RNF10: variants seen among roughly 807,000 people sequenced by gnomAD.
RNF10 encodes ring finger protein 10.
Under a neutral mutation model 91.4 loss-of-function variants are expected in RNF10, and 38 were observed. The ratio of observed to expected loss-of-function variants is 0.42; its 90% confidence interval spans 0.32 to 0.54. The LOEUF (loss-of-function observed/expected upper bound fraction) is 0.54, where lower values mean the gene tolerates loss of function less well. Among genes scored for constraint, RNF10 ranks in the 20% least tolerant of loss-of-function variants. The probability of loss-of-function intolerance (pLI) is 0.16; values close to 1 mark genes in which losing one functional copy is unlikely to be tolerated. For missense variants in RNF10, 945 were observed against 1,012.0 expected (o/e 0.93, Z 0.90); for synonymous variants, 364 against 366.3 (o/e 0.99, Z 0.07).
At chr12:120,566,273 T>C (rs375013547) in intron 12 of RNF10, among the ~76,000 whole-genome samples, 4 of 152,296 alleles carry the variant, frequency 2.6e-5, no homozygotes, top group Middle Eastern at 3.4e-3. Flanking sequence ...TATGGAAATA[T>C]CAAGACAAGT....
At chr12:120,544,907 T>C (rs1872087597) in intron 1 of RNF10, among the ~76,000 whole-genome samples, 1 of 152,200 alleles carries the variant, frequency 6.6e-6, no homozygotes, top group African/African-American at 2.4e-5. Context: ...GGTTACATTA[T>C]TCTGTAAGTA....
rs767972334 is a variant in RNF10, at chr12:120,539,584, G to A, written c.157+4616G>A. On this transcript the variant is annotated intron_variant, in intron 1 of 16. Coordinates refer to ENST00000325954, the MANE Select transcript of RNF10 (RefSeq NM_014868.5). The stretch of plus-strand genomic sequence containing the variant: ...CTAGAGCTAGAAATGAAGATGCCAA[G>A]TAATTTAACTGTGAAAAACTTGTGG... 11 of 429,480 alleles carry A rather than the reference G, an allele frequency of 2.6e-5. No individual in the cohort carries two copies. The Admixed American group carries it at 3.0e-4, about 12-fold the overall frequency. The allele number at this position is 429,480 out of a possible 1,614,324, so 26.6% of individuals were successfully genotyped here.
In RNF10 at chr12:120,560,343, G is replaced by A. The variant is rs148232308; in HGVS notation, c.968-383G>A. 1.1e-4 allele frequency among the ~76,000 whole-genome samples: 16 copies of A among 151,758 alleles called. No homozygotes were observed. In the East Asian group the frequency reaches 2.9e-3, roughly 28 times the overall value. ...ACTTTTTTGTATCTTTAGTAGAGACGGGGTTTCACCATGTTGGTCAGGCTG... is the reference window on the plus strand; with the variant it reads ...ACTTTTTTGTATCTTTAGTAGAGACAGGGTTTCACCATGTTGGTCAGGCTG... On this transcript the variant is annotated intron_variant, in intron 6 of 16. Coordinates refer to ENST00000325954, the MANE Select transcript of RNF10 (RefSeq NM_014868.5).
chr12:120,571,058 C>G, intron 13 of RNF10, 133 bp from the exon 14 acceptor site: 1 of 623,632 alleles, frequency 1.6e-6, no homozygotes, highest in South Asian at 1.9e-5. Flanking sequence ...AAAGTTGGAT[C>G]AATGTTTGCT....
chr12:120,571,800 A>G (rs1347438728), intron 14 of RNF10, among the ~76,000 whole-genome samples: 1 of 152,150 alleles, frequency 6.6e-6, no homozygotes, highest in Non-Finnish European at 1.5e-5. Flanking sequence ...AAAATGAGCC[A>G]TTTCTCTTCA....
intron 13 of RNF10, among the ~76,000 whole-genome samples, chr12:120,569,194 C>CCTGACCTCAGGTGATCCGCCAG (rs1258195703): frequency 1.3e-5 from 2 of 152,090 alleles, no homozygotes; most frequent in Admixed American, 6.5e-5. Flanking sequence ...GTCTCAAACT[C>CCTGACCTCAGGTGATCCGCCAG]CTGACCTCAG....
rs1485078445 is a variant in RNF10, at chr12:120,560,894, G to A, written c.1128+8G>A. 2.5e-6 allele frequency: 4 copies of A among 1,613,288 alleles called. No individual in the cohort carries two copies. Among genetic ancestry groups the A allele is most frequent in the Non-Finnish European group, 3.4e-6 (4 of 1,179,464 alleles). On this transcript the variant is annotated splice_region_variant and intron_variant, in intron 7 of 16. Coordinates refer to ENST00000325954, the MANE Select transcript of RNF10 (RefSeq NM_014868.5). ...GCTATCCAGGAGCTCAAGGTGAGAG[G>A]ATGCATTGGAGATGCTAAACCTTTT...
chr12:120,564,759 T>G (rs1875423131), intron 10 of RNF10, among the ~76,000 whole-genome samples: 1 of 152,242 alleles, frequency 6.6e-6, no homozygotes, highest in African/African-American at 2.4e-5. Flanking sequence ...CTTTATCTTC[T>G]CTGTTCGTCC....
rs778161611 is a variant in RNF10, at chr12:120,563,524, A to G, written c.1432A>G (p.Lys478Glu). 4.5e-5 allele frequency: 72 copies of G among 1,614,030 alleles called. 1 individual carries two copies. The highest frequency in any genetic ancestry group is 5.8e-5 in the Non-Finnish European group (69 of 1,180,022). The change falls in exon 9 of 17, where the codon AAA becomes GAA. Residue 478 changes from lysine (K) to glutamate (E), a missense_variant. Lys to Glu is a moderately conservative substitution (Grantham distance 56). Transcript: ENST00000325954. ...CTTGGAGTTAGCAGATGACAATCTTAAAGAGGGGACCATTTGCACTGAGTC... is the reference window on the plus strand; with the variant it reads ...CTTGGAGTTAGCAGATGACAATCTTGAAGAGGGGACCATTTGCACTGAGTC... ...DDLELADDNLKEGTICTESSQ... is the reference protein window; with the variant it reads ...DDLELADDNLEEGTICTESSQ...
intron 7 of RNF10, among the ~76,000 whole-genome samples, chr12:120,562,267 C>CTTTTTTT (rs1174061958): frequency 3.9e-4 from 40 of 102,206 alleles, no homozygotes; most frequent in Non-Finnish European, 6.0e-4. Context: ...CTTTTTCTTT[C>CTTTTTTT]TTTCTTTTTT....
chr12:120,560,261 C>T (rs1874653994), intron 6 of RNF10, among the ~76,000 whole-genome samples: 1 of 151,144 alleles, frequency 6.6e-6, no homozygotes, highest in South Asian at 2.1e-4. Context: ...AAGCGATTCT[C>T]CTGCCTCAGC....
At chr12:120,554,106 C>T (rs868705931) in intron 3 of RNF10, 30 of 152,148 alleles carry the variant, frequency 2.0e-4, no homozygotes, top group Non-Finnish European at 2.5e-4. Context: ...GGGGTTTCAC[C>T]GTGTTAGCCA....
intron 8 of RNF10, 66 bp from the exon 9 acceptor site, chr12:120,563,281 A>C (rs1367040558): frequency 1.3e-6 from 2 of 1,552,508 alleles, no homozygotes; most frequent in Non-Finnish European, 1.7e-6. Context: ...TTAGGTCTGC[A>C]TTTGCCACAT....
At position 120,565,172 on chromosome 12, in the gene RNF10, C is replaced by T; in HGVS notation, c.1766C>T (p.Thr589Ile). The T allele has an allele frequency of 1.2e-6, 2 of 1,609,564 alleles. No individual in the cohort carries two copies. The highest frequency in any genetic ancestry group is 8.5e-7 in the Non-Finnish European group (1 of 1,175,926). The change falls in exon 11 of 17, where the codon ACC (threonine) becomes ATC (isoleucine). Residue 589 changes from threonine to isoleucine, a missense_variant. Transcript: ENST00000325954. ...CAACCTCCTGTGGTCTCTAAGGAAACCCTAGAGATGTTCTCAGGTGAGAAT... is the reference window on the plus strand; with the variant it reads ...CAACCTCCTGTGGTCTCTAAGGAAATCCTAGAGATGTTCTCAGGTGAGAAT... ...ALQPPVVSKETLEMFSDDIEK... is the reference protein window; with the variant it reads ...ALQPPVVSKEILEMFSDDIEK...
chr12:120,546,319 C>T (rs1222033993), intron 1 of RNF10, 86 bp from the exon 2 acceptor site: 6 of 1,285,282 alleles, frequency 4.7e-6, no homozygotes, highest in South Asian at 1.4e-5. Context: ...CCTATTCACC[C>T]TTATTTTTTG....
chr12:120,544,184 GCCACTGCACT>G (rs1224793817), intron 1 of RNF10, among the ~76,000 whole-genome samples: 1 of 151,878 alleles, frequency 6.6e-6, no homozygotes, highest in Non-Finnish European at 1.5e-5. Context: ...CCGAGATTGC[GCCACTGCACT>G]CCAGCCTGGG....
chr12:120,558,161 T>G (rs1874306730), intron 6 of RNF10, among the ~76,000 whole-genome samples: 2 of 152,238 alleles, frequency 1.3e-5, no homozygotes, highest in Admixed American at 1.3e-4. Context: ...TAAATGGTAT[T>G]GAAACAATTG....
In RNF10 at chr12:120,577,256, T is replaced by C. The variant is rs1333246819; in HGVS notation, c.*590T>C. 2.3e-6 allele frequency: 1 copy of C among 432,872 alleles called. No homozygotes were observed. The highest frequency in any genetic ancestry group is 7.2e-5 in the East Asian group (1 of 13,812). 26.8% of individuals were successfully genotyped at this position (432,872 alleles called of 1,614,324 possible). A position where few individuals can be genotyped will look rare whatever the true frequency, so the allele number is the denominator to read the frequency against. ...GAGTAGGCTGTCCTTGGCACTTGCA[T>C]GTGTGAAAGGAGGGTTTTGCCTCTT... On this transcript the variant is annotated 3_prime_UTR_variant, in exon 17 of 17. Coordinates refer to ENST00000325954, the MANE Select transcript of RNF10 (RefSeq NM_014868.5).
At chr12:120,560,956 C>A in intron 7 of RNF10, 70 bp downstream of exon 7, 1 of 1,504,562 alleles carries the variant, frequency 6.6e-7, no homozygotes, top group Non-Finnish European at 9.1e-7. Flanking sequence ...ACCAGAAATG[C>A]TAAACCTTTT....
Sources: gnomAD v4.1 joint callset for allele counts (sites outside exome capture counted in the v4.1 genomes callset) on GRCh38, gnomAD v4.1.1 for gene constraint, MANE v1.5 for transcripts, NCBI Gene and HGNC (gene_info 2026-07-23, HGNC 2026-07-21) for gene names.